Variants in CYB561D1 observed in about 807,000 individuals in gnomAD.
CYB561D1 encodes the protein probable transmembrane reductase CYB561D1.
CYB561D1 carries 15 observed loss-of-function variants against 19.2 expected under a neutral mutation model. The observed-to-expected ratio is 0.78, with a 90% CI of 0.52 to 1.20. CYB561D1 has a LOEUF of 1.20. Ranked by LOEUF, CYB561D1 falls within the 50% of genes most tolerant of loss-of-function variation. The pLI is 0.00. For missense variants in CYB561D1, 297 were observed against 287.3 expected (o/e 1.03, Z -0.24); for synonymous variants, 133 against 120.6 (o/e 1.10, Z -0.68).
intron 1 of CYB561D1, chr1:109,494,727 C>T (rs2101048331): frequency 3.8e-6 from 2 of 531,078 alleles, no homozygotes; most frequent in South Asian, 4.0e-5. Context: ...GTTCCAGCTA[C>T]TTGGGAGGCT....
Position 109,495,849 on chromosome 1 carries a change from T to C in CYB561D1, c.280T>C (p.Trp94Arg), listed in dbSNP as rs1187700628. ...CCGAAAAGCACGGATCCGGCTCCAC[T>C]GGGCAGGGCAGACCCTAGCCATCCT... is the stretch of plus-strand genomic sequence containing the variant. ...CSRKARIRLH[W>R]AGQTLAILCA... The change falls in exon 3 of 3, where the codon TGG (tryptophan) becomes CGG (arginine). Residue 94 changes from tryptophan (W) to arginine (R), a missense_variant. Coordinates refer to ENST00000420578, the MANE Select transcript of CYB561D1 (RefSeq NM_182580.3). The C allele has an allele frequency of 6.2e-6, 10 of 1,613,802 alleles. No individual in the cohort carries two copies. The highest frequency in any genetic ancestry group is 1.3e-5 in the African/African-American group (1 of 74,940).
chr1:109,495,770 G>T lies in CYB561D1; in HGVS notation c.201G>T (p.Met67Ile). 1 of 1,614,202 alleles carries T rather than the reference G, an allele frequency of 6.2e-7. No individual in the cohort carries two copies. The highest frequency in any genetic ancestry group is 8.5e-7 in the Non-Finnish European group (1 of 1,180,042). Reference protein sequence around the residue: ...VFMALAFCLCMAEAILLFSPE... With the variant: ...VFMALAFCLCIAEAILLFSPE... ...TATGTTCACAGTTCTGCCTCTGCATGGCTGAAGCCATCCTACTCTTCTCAC... is the reference window on the plus strand; with the variant it reads ...TATGTTCACAGTTCTGCCTCTGCATTGCTGAAGCCATCCTACTCTTCTCAC... The change falls in exon 3 of 3, where the codon ATG becomes ATT. Residue 67 changes from methionine to isoleucine, a missense_variant. Coordinates refer to ENST00000420578, the MANE Select transcript of CYB561D1 (RefSeq NM_182580.3).
Position 109,496,085 on chromosome 1 carries a change from G to A in CYB561D1, c.516G>A (p.Val172=), listed in dbSNP as rs775773193. ...LKLYHLTCGL[V]VYLMATVTVL... is the part of the protein sequence containing the mutation. ...TCTACCATCTGACATGTGGACTGGT[G>A]GTCTACCTGATGGCTACAGTAACGG... Residue 172 remains valine, a synonymous_variant, in exon 3 of 3, where the codon GTG becomes GTA. Coordinates refer to ENST00000420578, the MANE Select transcript of CYB561D1 (RefSeq NM_182580.3). The A allele has an allele frequency of 3.9e-5, 63 of 1,614,032 alleles. No individual in the cohort carries two copies. The highest frequency in any genetic ancestry group is 5.3e-5 in the Non-Finnish European group (63 of 1,180,012).
Position 109,495,788 on chromosome 1 carries a change from C to G in CYB561D1, c.219C>G (p.Leu73=), listed in dbSNP as rs1352336534. 3 of 1,614,230 alleles carry G rather than the reference C, an allele frequency of 1.9e-6. No homozygotes were observed. The South Asian group carries it at 3.3e-5, about 18-fold the overall frequency. ...TCTGCATGGCTGAAGCCATCCTACTCTTCTCACCTGAACACTCCCTGTTCT... is the reference window on the plus strand; with the variant it reads ...TCTGCATGGCTGAAGCCATCCTACTGTTCTCACCTGAACACTCCCTGTTCT... ...FCLCMAEAIL[L]FSPEHSLFFF... The change falls in exon 3 of 3, where the codon CTC becomes CTG. Residue 73 remains leucine, a synonymous_variant. Transcript: ENST00000420578.
chr1:109,495,434 G>T (rs546836323), intron 2 of CYB561D1, among the ~76,000 whole-genome samples: 1 of 152,222 alleles, frequency 6.6e-6, no homozygotes, highest in Non-Finnish European at 1.5e-5. Context: ...AAAGGAGAAG[G>T]GGGGAGAGGT....
Position 109,496,832 on chromosome 1 carries a change from G to A in CYB561D1, c.*573G>A, listed in dbSNP as rs1657592251. 6.6e-6 allele frequency: 1 copy of A among 152,404 alleles called. No individual in the cohort carries two copies. Among genetic ancestry groups the A allele is most frequent in the Admixed American group, 6.6e-5 (1 of 15,264 alleles). The allele number at this position is 152,404 out of a possible 1,614,324, so 9.4% of individuals were successfully genotyped here. On this transcript the variant is annotated 3_prime_UTR_variant, in exon 3 of 3. Transcript: ENST00000420578. ...GTCTCAGAACACTCTCCCAGCTGTG[G>A]ACCACGTGGACCACTTAGCAGACTC...
At position 109,496,441 on chromosome 1, in the gene CYB561D1, G is replaced by A. The variant is rs562141231; in HGVS notation, c.*182G>A. On this transcript the variant is annotated 3_prime_UTR_variant, in exon 3 of 3. Coordinates refer to ENST00000420578, the MANE Select transcript of CYB561D1 (RefSeq NM_182580.3). ...ATTCAGTGGGTCAAAATGGGGAGAT[G>A]TACTGGGTATGAGTGGAAGGTGATG... is the stretch of plus-strand genomic sequence containing the variant. The A allele has an allele frequency of 3.2e-6, 2 of 628,678 alleles. No homozygotes were observed. Among genetic ancestry groups the A allele is most frequent in the Admixed American group, 3.5e-5 (1 of 28,662 alleles). The allele number at this position is 628,678 out of a possible 1,614,324, so 38.9% of individuals were successfully genotyped here.
Position 109,499,207 on chromosome 1 carries a change from C to T in CYB561D1, c.*2948C>T, listed in dbSNP as rs1657757284. Reference sequence around the variant, plus strand: ...AAGTCCTCCAGCCTCACCTTCTTGGCTCTTAAGTGGTAGGCTGTTACCACT... The same window carrying T: ...AAGTCCTCCAGCCTCACCTTCTTGGTTCTTAAGTGGTAGGCTGTTACCACT... On this transcript the variant is annotated 3_prime_UTR_variant, in exon 3 of 3. Coordinates refer to ENST00000420578, the MANE Select transcript of CYB561D1 (RefSeq NM_182580.3). 1.3e-5 allele frequency: 2 copies of T among 152,328 alleles called. No homozygotes were observed. Among genetic ancestry groups the T allele is most frequent in the African/African-American group, 4.8e-5 (2 of 41,418 alleles). 9.4% of individuals were successfully genotyped at this position (152,328 alleles called of 1,614,324 possible). A position where few individuals can be genotyped will look rare whatever the true frequency, so the allele number is the denominator to read the frequency against.
chr1:109,494,127 G>A lies in CYB561D1; in HGVS notation c.-13G>A. The stretch of plus-strand genomic sequence containing the variant: ...TCGGGCAGCTGGAGTGTACGGGCCC[G>A]CGGGCCACGGCCATGCAGCCCCTGG... On this transcript the variant is annotated 5_prime_UTR_variant, in exon 1 of 3. Transcript: ENST00000420578. 6.7e-7 allele frequency: 1 copy of A among 1,492,860 alleles called. No individual in the cohort carries two copies. The highest frequency in any genetic ancestry group is 1.3e-5 in the South Asian group (1 of 76,604). The allele number at this position is 1,492,860 out of a possible 1,614,324, so 92.5% of individuals were successfully genotyped here. A position where few individuals can be genotyped will look rare whatever the true frequency, so the allele number is the denominator to read the frequency against.
In CYB561D1 at chr1:109,497,925, T is replaced by C. The variant is rs1012424865; in HGVS notation, c.*1666T>C. 2.0e-5 allele frequency: 3 copies of C among 152,280 alleles called. No homozygotes were observed. Among genetic ancestry groups the C allele is most frequent in the African/African-American group, 7.2e-5 (3 of 41,448 alleles). The allele number at this position is 152,280 out of a possible 1,614,324, so 9.4% of individuals were successfully genotyped here. On this transcript the variant is annotated 3_prime_UTR_variant, in exon 3 of 3. Coordinates refer to ENST00000420578, the MANE Select transcript of CYB561D1 (RefSeq NM_182580.3). ...GGAGATTGCATCTCCAGGACAAGCA[T>C]CTAAAGGAGGCCCCTGCTGTGCAGA...
chr1:109,494,743 AG>A, intron 1 of CYB561D1: 1 of 474,974 alleles, frequency 2.1e-6, no homozygotes, highest in Non-Finnish European at 3.5e-6. Context: ...AGGCTGAGGG[AG>A]GAGAATCGCT....
chr1:109,498,855 TAAAAA>T lies in CYB561D1; in HGVS notation c.*2607_*2611del, dbSNP rs67778845. 18 of 143,376 alleles carry T rather than the reference TAAAAA, an allele frequency of 1.3e-4. No homozygotes were observed. Among genetic ancestry groups the T allele is most frequent in the African/African-American group, 4.0e-4 (16 of 39,652 alleles). The allele number at this position is 143,376 out of a possible 1,614,324, so 8.9% of individuals were successfully genotyped here. ...GTGGTCAGCCTGTTTTGCCTTTTTT[TAAAAA>T]AAAAAAAAAAGCCAGGGCAGGGTGC... On this transcript the variant is annotated 3_prime_UTR_variant, in exon 3 of 3. Transcript: ENST00000420578.
At chr1:109,495,545 TG>T in intron 2 of CYB561D1, 1 of 852,524 alleles carries the variant, frequency 1.2e-6, no homozygotes, top group Non-Finnish European at 1.8e-6. Context: ...GAGGTTGGGA[TG>T]GGGAGATGTC....
Position 109,496,896 on chromosome 1 carries a change from G to T in CYB561D1, c.*637G>T, listed in dbSNP as rs999317366. The T allele has an allele frequency of 6.6e-6, 1 of 152,644 alleles. No individual in the cohort carries two copies. The highest frequency in any genetic ancestry group is 1.5e-5 in the Non-Finnish European group (1 of 68,064). The allele number at this position is 152,644 out of a possible 1,614,324, so 9.5% of individuals were successfully genotyped here. A position where few individuals can be genotyped will look rare whatever the true frequency, so the allele number is the denominator to read the frequency against. On this transcript the variant is annotated 3_prime_UTR_variant, in exon 3 of 3. Coordinates refer to ENST00000420578, the MANE Select transcript of CYB561D1 (RefSeq NM_182580.3). ...TTACTCTCCCTTTACTACCCTGGAG[G>T]GACAGCTCTGCCCTTGAGGCCCTTC...
chr1:109,494,873 A>C (rs1486732567), intron 1 of CYB561D1, among the ~76,000 whole-genome samples: 2 of 123,476 alleles, frequency 1.6e-5, no homozygotes, highest in African/African-American at 4.3e-5. Context: ...AAAAAAACAA[A>C]AAACAAAAAA....
At chr1:109,495,310 T>C (rs1275314404) in intron 2 of CYB561D1, 130 bp downstream of exon 2, 2 of 1,114,966 alleles carry the variant, frequency 1.8e-6, no homozygotes, top group East Asian at 2.3e-5. Flanking sequence ...GGGCTCATCT[T>C]TCCCTGCAGC....
At chr1:109,494,942 G>C (rs1348195607) in intron 1 of CYB561D1, among the ~76,000 whole-genome samples, 1 of 152,212 alleles carries the variant, frequency 6.6e-6, no homozygotes, top group Non-Finnish European at 1.5e-5. Flanking sequence ...GGGCCAAACT[G>C]TTGTATGTGT....
chr1:109,496,192 A>G lies in CYB561D1; in HGVS notation c.623A>G (p.Tyr208Cys), dbSNP rs748722244. ...AWYLCLALPV[Y>C]PALVIMHQIS... is the part of the protein sequence containing the mutation. Reference sequence around the variant, plus strand: ...TACCTGTGCCTGGCACTGCCCGTCTATCCAGCCCTGGTGATCATGCACCAG... The same window carrying G: ...TACCTGTGCCTGGCACTGCCCGTCTGTCCAGCCCTGGTGATCATGCACCAG... Residue 208 changes from tyrosine (Y) to cysteine (C), a missense_variant, in exon 3 of 3, where the codon TAT (tyrosine) becomes TGT (cysteine). Physicochemically the swap from Tyr to Cys is radical, Grantham distance 194. Coordinates refer to ENST00000420578, the MANE Select transcript of CYB561D1 (RefSeq NM_182580.3). 2 of 1,600,730 alleles carry G rather than the reference A, an allele frequency of 1.2e-6. No homozygotes were observed. Among genetic ancestry groups the G allele is most frequent in the Non-Finnish European group, 1.7e-6 (2 of 1,170,146 alleles).
In CYB561D1 at chr1:109,495,796, C is replaced by T; in HGVS notation, c.227C>T (p.Pro76Leu). The change falls in exon 3 of 3, where the codon CCT becomes CTT. Residue 76 changes from proline (P) to leucine (L), a missense_variant. By Grantham distance (98) the Pro-to-Leu change is moderately conservative (BLOSUM62 -3). Transcript: ENST00000420578. ...GCTGAAGCCATCCTACTCTTCTCAC[C>T]TGAACACTCCCTGTTCTTCTTCTGC... ...CMAEAILLFS[P>L]EHSLFFFCSR... 1 of 1,614,186 alleles carries T rather than the reference C, an allele frequency of 6.2e-7. No homozygotes were observed. Among genetic ancestry groups the T allele is most frequent in the Non-Finnish European group, 8.5e-7 (1 of 1,180,048 alleles).
Sources: gnomAD v4.1 joint callset for allele counts (sites outside exome capture counted in the v4.1 genomes callset) on GRCh38, gnomAD v4.1.1 for gene constraint, MANE v1.5 for transcripts, NCBI Gene and HGNC (gene_info 2026-07-23, HGNC 2026-07-21) for gene names.